The following RNF135 variants were observed in gnomAD, a reference collection of about 807,000 sequenced individuals.
RNF135 encodes E3 ubiquitin-protein ligase RNF135.
In RNF135, 46 loss-of-function variants were observed where a neutral mutation model predicts 41.9. The ratio of observed to expected loss-of-function variants is 1.10; its 90% CI spans 0.87 to 1.40. The LOEUF (loss-of-function observed/expected upper bound fraction) is 1.40. RNF135 is among the 40% of genes most tolerant of loss of function. RNF135 has a pLI of 0.00. For missense variants in RNF135, 539 were observed against 549.8 expected (o/e 0.98, Z 0.20); for synonymous variants, 238 against 223.8 (o/e 1.06, Z -0.57).
In RNF135 at chr17:30,993,705, T is replaced by A. The variant is rs189460942; in HGVS notation, c.680-3537T>A. ...AAAAAAGTATTAGGGAGTGTTAATTTAAAAAAAAAAAGTAAATAACTTCAG... is the reference window on the plus strand; with the variant it reads ...AAAAAAGTATTAGGGAGTGTTAATTAAAAAAAAAAAAGTAAATAACTTCAG... On this transcript the variant is annotated intron_variant, in intron 3 of 4. Transcript: ENST00000328381. The A allele has an allele frequency of 2.7e-3, 1,583 of 591,978 alleles. 35 individuals are homozygous for A. In the Admixed American group the frequency reaches 0.047, roughly 17 times the overall value. The allele number at this position is 591,978 out of a possible 1,614,324, so 36.7% of individuals were successfully genotyped here.
chr17:30,979,999 C>G (rs1157027907), intron 1 of RNF135, among the ~76,000 whole-genome samples: 6 of 119,020 alleles, frequency 5.0e-5, no homozygotes, highest in African/African-American at 1.7e-4. Context: ...ATCCTCCCAC[C>G]TCCCTCCCGG....
chr17:30,997,954 AAAGT>A (rs1178073962), intron 4 of RNF135, among the ~76,000 whole-genome samples: 4 of 152,268 alleles, frequency 2.6e-5, no homozygotes, highest in African/African-American at 9.6e-5. Flanking sequence ...TGAAATATAC[AAAGT>A]GAGTAAGACA....
At chr17:30,963,399 G>A in the RNF135 span, among the ~76,000 whole-genome samples, 5 of 151,984 alleles carry the variant, frequency 3.3e-5, no homozygotes, top group South Asian at 2.1e-4. Flanking sequence ...TGGCTAACAC[G>A]GTGAAACCCT....
Position 30,999,319 on chromosome 17 carries a change from G to T in RNF135, c.*128G>T. ...GATAGAGATGGGATCTCACTAGGTTGCCCAGGCTGGTGTCGAATTCCTGGT... is the reference window on the plus strand; with the variant it reads ...GATAGAGATGGGATCTCACTAGGTTTCCCAGGCTGGTGTCGAATTCCTGGT... On this transcript the variant is annotated 3_prime_UTR_variant, in exon 5 of 5. Coordinates refer to ENST00000328381, the MANE Select transcript of RNF135 (RefSeq NM_032322.4). The T allele has an allele frequency of 9.3e-7, 1 of 1,071,312 alleles. No individual in the cohort carries two copies. The highest frequency in any genetic ancestry group is 1.4e-6 in the Non-Finnish European group (1 of 730,468). 66.4% of individuals were successfully genotyped at this position (1,071,312 alleles called of 1,614,324 possible).
chr17:30,960,975 G>A, the RNF135 span, among the ~76,000 whole-genome samples: 3 of 151,950 alleles, frequency 2.0e-5, no homozygotes, highest in Admixed American at 6.6e-5. Context: ...TCCCAACCTC[G>A]TGATCCACCT....
At position 30,971,081 on chromosome 17, in the gene RNF135, G is replaced by T; in HGVS notation, c.8G>T (p.Gly3Val). The change falls in exon 1 of 5, where the codon GGC becomes GTC. Residue 3 changes from glycine to valine, a missense_variant. This residue lies in a region of RNF135 where 277 missense variants were observed against 212.8 expected (regional missense o/e 1.30). Transcript: ENST00000328381. ...CCCGGCCGCCTGTTGGCCATGGCGG[G>T]CCTGGGCCTGGGCTCCGCCGTTCCC... MA[G>V]LGLGSAVPVW... 6.5e-7 allele frequency: 1 copy of T among 1,534,180 alleles called. No individual in the cohort carries two copies. Among genetic ancestry groups the T allele is most frequent in the Non-Finnish European group, 8.7e-7 (1 of 1,146,038 alleles).
At chr17:30,972,776 TTTTTG>T (rs1906106489) in intron 1 of RNF135, 1 of 152,272 alleles carries the variant, frequency 6.6e-6, no homozygotes, top group African/African-American at 2.4e-5. Context: ...TGCCACATTT[TTTTTG>T]TTTGTTTTGT....
In RNF135 at chr17:30,971,747, G is replaced by A. The variant is rs912125489; in HGVS notation, c.372+302G>A. The A allele has an allele frequency of 3.1e-6, 4 of 1,274,110 alleles. No individual in the cohort carries two copies. In the African/African-American group the frequency reaches 6.3e-5, roughly 20 times the overall value. 78.9% of individuals were successfully genotyped at this position (1,274,110 alleles called of 1,614,324 possible). On this transcript the variant is annotated intron_variant, in intron 1 of 4. Coordinates refer to ENST00000328381, the MANE Select transcript of RNF135 (RefSeq NM_032322.4). ...TTTCTCTGAAACTTGTAAAATTGTGGTAAGATCTATATAACATTAAAACTG... is the reference window on the plus strand; with the variant it reads ...TTTCTCTGAAACTTGTAAAATTGTGATAAGATCTATATAACATTAAAACTG...
At chr17:30,960,719 TA>T in the RNF135 span, among the ~76,000 whole-genome samples, 1 of 142,270 alleles carries the variant, frequency 7.0e-6, no homozygotes, top group African/African-American at 3.0e-5. Flanking sequence ...TATTTTATTT[TA>T]TTTTATTTTA....
In RNF135 at chr17:30,971,149, G is replaced by A; in HGVS notation, c.76G>A (p.Gly26Arg). The A allele has an allele frequency of 6.5e-7, 1 of 1,533,902 alleles. No homozygotes were observed. The highest frequency in any genetic ancestry group is 8.7e-7 in the Non-Finnish European group (1 of 1,145,918). Reference protein sequence around the residue: ...EDDLGCIICQGLLDWPATLPC... With the variant: ...EDDLGCIICQRLLDWPATLPC... ...CGACCTCGGCTGCATCATCTGCCAG[G>A]GGCTGCTGGACTGGCCCGCCACGCT... is the stretch of plus-strand genomic sequence containing the variant. The change falls in exon 1 of 5, where the codon GGG (glycine) becomes AGG (arginine). Residue 26 changes from glycine to arginine, a missense_variant. Physicochemically the swap from Gly to Arg is moderately radical, Grantham distance 125. Around this residue, in one of 2 missense-constraint regions of RNF135, gnomAD observed 277 missense variants for 212.8 expected, o/e 1.30. Transcript: ENST00000328381.
At chr17:30,967,820 G>T (rs1905613582), upstream of RNF135, among the ~76,000 whole-genome samples, 1 of 151,618 alleles carries the variant, frequency 6.6e-6, no homozygotes, top group Non-Finnish European at 1.5e-5. Context: ...TCTTGCCTCA[G>T]CCTCCTGAGT....
chr17:30,990,638 T>G (rs1907922880), intron 3 of RNF135, among the ~76,000 whole-genome samples: 1 of 152,260 alleles, frequency 6.6e-6, no homozygotes, highest in Non-Finnish European at 1.5e-5. Flanking sequence ...TTTTTGAGTG[T>G]CTGTTCAGAA....
At chr17:30,969,101 C>G (rs1277188963), upstream of RNF135, 1 of 152,206 alleles carries the variant, frequency 6.6e-6, no homozygotes, top group Non-Finnish European at 1.5e-5. Context: ...CAAGGTTTCA[C>G]CATGTTGCTC....
chr17:30,960,832 C>A, the RNF135 span, among the ~76,000 whole-genome samples: 1 of 151,162 alleles, frequency 6.6e-6, no homozygotes. Flanking sequence ...CTCCGCCTCC[C>A]GGGTTCACGC....
chr17:30,998,599 C>A, intron 4 of RNF135, 63 bp from the exon 5 acceptor site: 1 of 1,541,366 alleles, frequency 6.5e-7, no homozygotes. Context: ...TTGAAGACTT[C>A]TTAGCATGGA....
intron 3 of RNF135, among the ~76,000 whole-genome samples, chr17:30,992,160 G>T (rs1024745413): frequency 6.6e-6 from 1 of 151,940 alleles, no homozygotes; most frequent in Non-Finnish European, 1.5e-5. Flanking sequence ...TCAAACTCTT[G>T]ACCTCAGGTG....
upstream of RNF135, chr17:30,970,891 A>G: frequency 1.2e-6 from 1 of 809,418 alleles, no homozygotes; most frequent in Non-Finnish European, 1.9e-6. Context: ...CCAGCTGGGC[A>G]CTGGAGGCTC....
chr17:30,981,452 C>T (rs546401684), intron 1 of RNF135, among the ~76,000 whole-genome samples: 1 of 152,240 alleles, frequency 6.6e-6, no homozygotes, highest in South Asian at 2.1e-4. Flanking sequence ...TTCTGAATTC[C>T]TTCTCTGTTA....
At chr17:30,991,354 A>C (rs980355937) in intron 3 of RNF135, among the ~76,000 whole-genome samples, 1 of 148,914 alleles carries the variant, frequency 6.7e-6, no homozygotes, top group Non-Finnish European at 1.5e-5. Flanking sequence ...CAAGAATGAA[A>C]CTCTGACTCA....
Sources: gnomAD v4.1 joint callset for allele counts (sites outside exome capture counted in the v4.1 genomes callset) on GRCh38, gnomAD v4.1.1 for gene constraint, gnomAD v4.1.1 regional missense constraint, MANE v1.5 for transcripts, NCBI Gene and HGNC (gene_info 2026-07-23, HGNC 2026-07-21) for gene names.